SNX17: variants seen among roughly 807,000 people sequenced by gnomAD.
SNX17 encodes the protein sorting nexin-17.
Under a neutral mutation model 64.3 loss-of-function variants are expected in SNX17, and 35 were observed. That is an observed-to-expected ratio of 0.54 (90% CI 0.42 to 0.72). The LOEUF (loss-of-function observed/expected upper bound fraction) is 0.72. Ranked by LOEUF, SNX17 falls within the 30% of genes least tolerant of loss-of-function variation. The pLI is 0.00. For missense variants in SNX17, 538 were observed against 610.0 expected (o/e 0.88, Z 1.24); for synonymous variants, 259 against 230.2 (o/e 1.13, Z -1.13).
At position 27,376,856 on chromosome 2, in the gene SNX17, G is replaced by C; in HGVS notation, c.*137G>C. On this transcript the variant is annotated 3_prime_UTR_variant, in exon 15 of 15. Coordinates refer to ENST00000233575, the MANE Select transcript of SNX17 (RefSeq NM_014748.4). ...CCTACCCCTTTTCTCTTGGCCAGGG[G>C]CCTCGTATCCTACCTTTCCTTGTCC... The C allele has an allele frequency of 1.4e-6, 1 of 696,004 alleles. No individual in the cohort carries two copies. The highest frequency in any genetic ancestry group is 2.4e-6 in the Non-Finnish European group (1 of 410,708). The allele number at this position is 696,004 out of a possible 1,614,324, so 43.1% of individuals were successfully genotyped here.
At position 27,374,417 on chromosome 2, in the gene SNX17, A is replaced by C. The variant is rs1389467646; in HGVS notation, c.595A>C (p.Ile199Leu). 6.2e-7 allele frequency: 1 copy of C among 1,612,476 alleles called. No homozygotes were observed. Among genetic ancestry groups the C allele is most frequent in the South Asian group, 1.1e-5 (1 of 91,016 alleles). Residue 199 changes from isoleucine to leucine, a missense_variant, in exon 7 of 15, where the codon ATT (isoleucine) becomes CTT (leucine). Ile to Leu is a conservative substitution (Grantham distance 5). Around this residue, in one of 3 missense-constraint regions of SNX17, gnomAD observed 505 missense variants for 550.4 expected, o/e 0.92. Coordinates refer to ENST00000233575, the MANE Select transcript of SNX17 (RefSeq NM_014748.4). ...CAGCCTTCGGAGTCAAGAGTATAAG[A>C]TTGTGCTAAGGAAGAGGTCAGGGCT... ...VTSLRSQEYKIVLRKSYWDSA... is the reference protein window; with the variant it reads ...VTSLRSQEYKLVLRKSYWDSA...
rs1558304360 is a variant in SNX17 at position 27,374,347 on chromosome 2, T to G, written c.525T>G (p.Phe175Leu). The change falls in exon 7 of 15, where the codon TTT (phenylalanine) becomes TTG (leucine). Residue 175 changes from phenylalanine (F) to leucine (L), a missense_variant and splice_region_variant. Coordinates refer to ENST00000233575, the MANE Select transcript of SNX17 (RefSeq NM_014748.4). Reference protein sequence around the residue: ...VREKEDGAFSFVRKLQEFELP... With the variant: ...VREKEDGAFSLVRKLQEFELP... ...CATTTTTTTTTTTTTAACCTGTAGTTGTACGGAAGTTGCAAGAGTTTGAGC... is the reference window on the plus strand; with the variant it reads ...CATTTTTTTTTTTTTAACCTGTAGTGGTACGGAAGTTGCAAGAGTTTGAGC... 7.4e-6 allele frequency: 12 copies of G among 1,613,070 alleles called. No homozygotes were observed. Among genetic ancestry groups the G allele is most frequent in the Non-Finnish European group, 9.3e-6 (11 of 1,179,408 alleles).
In SNX17 at chr2:27,375,827, A is replaced by G. The variant is rs1683146341; in HGVS notation, c.979-19A>G. The G allele has an allele frequency of 3.1e-6, 5 of 1,612,996 alleles. No individual in the cohort carries two copies. Among genetic ancestry groups the G allele is most frequent in the African/African-American group, 1.3e-5 (1 of 74,924 alleles). Reference sequence around the variant, plus strand: ...GGTTGGTCAGAGTGAACTCAACCGAATTCCCCTTCCTCTCCCAGGTACCAT... The same window carrying G: ...GGTTGGTCAGAGTGAACTCAACCGAGTTCCCCTTCCTCTCCCAGGTACCAT... On this transcript the variant is annotated intron_variant, in intron 10 of 14. Transcript: ENST00000233575. This position sits in a 1 kb window ranked among gnomAD's most constrained non-coding sequence, Gnocchi z 4.1.
At chr2:27,373,434 C>G (rs1306987555) in intron 4 of SNX17, 123 bp downstream of exon 4, 1 of 946,360 alleles carries the variant, frequency 1.1e-6, no homozygotes, top group Non-Finnish European at 1.6e-6. Flanking sequence ...GCGATCTCAG[C>G]TCACTGCAAT....
chr2:27,376,741 C>A lies in SNX17; in HGVS notation c.*22C>A. 1 of 1,590,622 alleles carries A rather than the reference C, an allele frequency of 6.3e-7. No individual in the cohort carries two copies. Among genetic ancestry groups the A allele is most frequent in the Non-Finnish European group, 8.6e-7 (1 of 1,159,322 alleles). On this transcript the variant is annotated 3_prime_UTR_variant, in exon 15 of 15. Coordinates refer to ENST00000233575, the MANE Select transcript of SNX17 (RefSeq NM_014748.4). ...GTAATCTCCACTGCTTGGATGTCTGCCCTCTACCCCAGAGGAATTTACAGA... is the reference window on the plus strand; with the variant it reads ...GTAATCTCCACTGCTTGGATGTCTGACCTCTACCCCAGAGGAATTTACAGA...
In SNX17 at chr2:27,372,689, CCTG is replaced by C; in HGVS notation, c.209_211del (p.Ala70del). On this transcript the variant is annotated inframe_deletion, in exon 3 of 15. Transcript: ENST00000233575. ...CCCAAAGAAGCTTTTCTCTCTGACT[CCTG>C]CTGAGGTAGAACAGAGGAGAGAGCA... 6.2e-7 allele frequency: 1 copy of C among 1,614,214 alleles called. No homozygotes were observed. Among genetic ancestry groups the C allele is most frequent in the Non-Finnish European group, 8.5e-7 (1 of 1,180,038 alleles).
At chr2:27,376,027 T>C in intron 11 of SNX17, 56 bp downstream of exon 11, 10 of 1,613,724 alleles carry the variant, frequency 6.2e-6, no homozygotes, top group Non-Finnish European at 8.5e-6. Flanking sequence ...GAGTTTCCAG[T>C]ACTCAATATG....
Position 27,375,450 on chromosome 2 carries a change from TC to T in SNX17, c.775-55del. 1 of 1,603,404 alleles carries T rather than the reference TC, an allele frequency of 6.2e-7. No individual in the cohort carries two copies. Among genetic ancestry groups the T allele is most frequent in the Non-Finnish European group, 8.5e-7 (1 of 1,172,310 alleles). On this transcript the variant is annotated intron_variant, in intron 9 of 14. Coordinates refer to ENST00000233575, the MANE Select transcript of SNX17 (RefSeq NM_014748.4). The surrounding 1 kb of genome is among the most constrained non-coding windows in gnomAD (Gnocchi z 4.1). ...ACCGCGCCCGACCGGGGTTGCTTTT[TC>T]TGAGCTGCCCCATTCTCCCTCCTAA...
chr2:27,372,999 A>G (rs1682792228), intron 3 of SNX17: 19 of 1,502,090 alleles, frequency 1.3e-5, no homozygotes, highest in East Asian at 2.5e-5. Context: ...CTTAATTTGT[A>G]TCTGATGTGC....
At chr2:27,372,867 T>C in intron 3 of SNX17, 127 bp downstream of exon 3, 3 of 1,352,538 alleles carry the variant, frequency 2.2e-6, no homozygotes, top group Non-Finnish European at 3.1e-6. Flanking sequence ...TGATCTGTTA[T>C]GCAGTTAGCA....
At chr2:27,373,819 G>T in intron 4 of SNX17, 42 bp from the exon 5 acceptor site, 3 of 1,495,638 alleles carry the variant, frequency 2.0e-6, no homozygotes, top group Non-Finnish European at 2.8e-6. Flanking sequence ...TCAAGGCAAG[G>T]GACAAGGCAG....
intron 8 of SNX17, 41 bp downstream of exon 8, chr2:27,374,799 A>C: frequency 1.9e-6 from 3 of 1,578,764 alleles, no homozygotes; most frequent in Non-Finnish European, 2.6e-6. Flanking sequence ...CCTGAAGAAA[A>C]TAACGGGTGA....
chr2:27,374,928 A>G, intron 8 of SNX17, 133 bp from the exon 9 acceptor site: 2 of 954,188 alleles, frequency 2.1e-6, no homozygotes, highest in Middle Eastern at 2.1e-4. Flanking sequence ...TAAGCTGACA[A>G]GATCAAGGAC....
rs570796625 is a variant in SNX17, at chr2:27,375,900, C to T, written c.1033C>T (p.Arg345Cys). 2.0e-5 allele frequency: 33 copies of T among 1,614,158 alleles called. No individual in the cohort carries two copies. Among genetic ancestry groups the T allele is most frequent in the South Asian group, 1.8e-4 (16 of 91,084 alleles). ...SSPGRGRGEV[R>C]LELAFEYLMS... ...CCCAGGCCGGGGCCGGGGTGAGGTG[C>T]GCCTGGAACTGGCTTTTGAATACCT... Residue 345 changes from arginine (R) to cysteine (C), a missense_variant, in exon 11 of 15, where the codon CGC (arginine) becomes TGC (cysteine). Coordinates refer to ENST00000233575, the MANE Select transcript of SNX17 (RefSeq NM_014748.4). The surrounding 1 kb of genome is among the most constrained non-coding windows in gnomAD (Gnocchi z 4.1).
rs1432445964 is a variant in SNX17 at position 27,376,491 on chromosome 2, G to A, written c.1270G>A (p.Ala424Thr). Residue 424 changes from alanine (A) to threonine (T), a missense_variant, in exon 14 of 15, where the codon GCC becomes ACC. Coordinates refer to ENST00000233575, the MANE Select transcript of SNX17 (RefSeq NM_014748.4). ...KSPPLLESPD[A>T]TRESMVKLSS... ...TCTTCTTCCCCAGGAGTCACCTGAT[G>A]CCACCCGGGAGTCTATGGTCAAACT... The A allele has an allele frequency of 1.2e-6, 2 of 1,614,146 alleles. No homozygotes were observed. The highest frequency in any genetic ancestry group is 8.5e-7 in the Non-Finnish European group (1 of 1,180,028).
rs1294975722 is a variant in SNX17, at chr2:27,377,145, A to G, written c.*426A>G. The G allele has an allele frequency of 2.4e-6, 1 of 415,052 alleles. No homozygotes were observed. The highest frequency in any genetic ancestry group is 4.5e-6 in the Non-Finnish European group (1 of 221,512). 25.7% of individuals were successfully genotyped at this position (415,052 alleles called of 1,614,324 possible). Reference sequence around the variant, plus strand: ...TGCTGCCTACCTCTGGTTCCCTCTCACTGCCCCTGCTTCCCCCATCACAGC... The same window carrying G: ...TGCTGCCTACCTCTGGTTCCCTCTCGCTGCCCCTGCTTCCCCCATCACAGC... On this transcript the variant is annotated 3_prime_UTR_variant, in exon 15 of 15. Coordinates refer to ENST00000233575, the MANE Select transcript of SNX17 (RefSeq NM_014748.4). This position sits in a 1 kb window ranked among gnomAD's most constrained non-coding sequence, Gnocchi z 4.4.
intron 4 of SNX17, 27 bp from the exon 5 acceptor site, chr2:27,373,834 T>G: frequency 6.4e-7 from 1 of 1,574,492 alleles, no homozygotes; most frequent in African/African-American, 1.3e-5. Flanking sequence ...AGGCAGTGCT[T>G]CCCATCCCCA....
intron 1 of SNX17, 75 bp downstream of exon 1, chr2:27,370,881 C>G (rs570200906): frequency 1.4e-6 from 2 of 1,477,704 alleles, no homozygotes; most frequent in Non-Finnish European, 1.8e-6. Flanking sequence ...GGAGCGGCCT[C>G]TGAGGCCTGA....
At position 27,375,843 on chromosome 2, in the gene SNX17, C is replaced by A; in HGVS notation, c.979-3C>A. On this transcript the variant is annotated splice_region_variant and splice_polypyrimidine_tract_variant and intron_variant, in intron 10 of 14. Transcript: ENST00000233575. This position sits in a 1 kb window ranked among gnomAD's most constrained non-coding sequence, Gnocchi z 4.1. ...CTCAACCGAATTCCCCTTCCTCTCC[C>A]AGGTACCATTGCCCAGTGGAAGCAC... 6.2e-7 allele frequency: 1 copy of A among 1,613,866 alleles called. No homozygotes were observed. Among genetic ancestry groups the A allele is most frequent in the South Asian group, 1.1e-5 (1 of 91,060 alleles).
Sources: allele counts gnomAD v4.1 joint callset, GRCh38; gene constraint gnomAD v4.1.1; regional missense constraint gnomAD v4.1.1; non-coding constraint Gnocchi (gnomAD v3.1); transcripts MANE v1.5; gene names NCBI Gene and HGNC (gene_info 2026-07-23, HGNC 2026-07-21).